Variants in MPPED2 observed in about 807,000 individuals in gnomAD.
MPPED2 encodes metallophosphoesterase MPPED2.
Under a neutral mutation model 33.0 loss-of-function variants are expected in MPPED2, and 5 were observed. The observed-to-expected ratio is 0.15, with a 90% confidence interval of 0.08 to 0.32. The LOEUF (loss-of-function observed/expected upper bound fraction) is 0.32, where lower values mean the gene tolerates loss of function less well. Ranked by LOEUF, MPPED2 falls within the 10% of genes least tolerant of loss-of-function variation. The pLI is 1.00. For synonymous variants in MPPED2, 136 were observed against 141.9 expected, an observed-to-expected ratio of 0.96 and a Z score of 0.29; for missense variants, 275 against 372.1, an observed-to-expected ratio of 0.74 and a Z score of 2.15.
At chr11:30,478,615 C>T (rs1269335792) in intron 4 of MPPED2, among the ~76,000 whole-genome samples, 1 of 152,040 alleles carries the variant, frequency 6.6e-6, no homozygotes, top group Non-Finnish European at 1.5e-5. Context: ...TTCTATCCAT[C>T]TAAAAACAAA....
intron 4 of MPPED2, among the ~76,000 whole-genome samples, chr11:30,484,888 A>G (rs1371868396): frequency 6.6e-6 from 1 of 152,076 alleles, no homozygotes; most frequent in East Asian, 1.9e-4. Context: ...AGGGGTAAGC[A>G]TTTTCCTAGA....
chr11:30,470,718 C>G (rs1024031077), intron 4 of MPPED2, among the ~76,000 whole-genome samples: 3 of 152,172 alleles, frequency 2.0e-5, no homozygotes, highest in Non-Finnish European at 4.4e-5. Flanking sequence ...AAATCTCCCA[C>G]TCTTCCCAGC....
At chr11:30,450,058 T>A (rs1949989213) in intron 4 of MPPED2, among the ~76,000 whole-genome samples, 1 of 152,266 alleles carries the variant, frequency 6.6e-6, no homozygotes, top group African/African-American at 2.4e-5. Flanking sequence ...CAATTAAATC[T>A]GTATGTTTTT....
rs556635220 is a variant in MPPED2, at chr11:30,535,970, C to T, written c.310+24G>A. 1.2e-5 allele frequency: 19 copies of T among 1,561,288 alleles called. No homozygotes were observed. In the South Asian group the frequency reaches 1.2e-4, roughly 10 times the overall value. On this transcript the variant is annotated intron_variant, in intron 3 of 6. Transcript: ENST00000358117. ...TCGGACGGGAAAGGTTAATTGGGGC[C>T]GCCAGAACGCAATCATTCCTTACCT...
intron 6 of MPPED2, among the ~76,000 whole-genome samples, chr11:30,391,817 C>T (rs1458306728): frequency 6.6e-6 from 1 of 152,180 alleles, no homozygotes; most frequent in Non-Finnish European, 1.5e-5. Context: ...CAGTTACCTT[C>T]ACATCTAAAG....
intron 3 of MPPED2, among the ~76,000 whole-genome samples, chr11:30,500,116 G>A (rs12417588): frequency 0.28 from 42,878 of 152,020 alleles, 7,031 homozygotes; most frequent in Middle Eastern, 0.44. Flanking sequence ...AATGCAATCT[G>A]GCTTCTGCTT....
At chr11:30,550,775 A>C (rs1043728491) in intron 2 of MPPED2, among the ~76,000 whole-genome samples, 1 of 152,196 alleles carries the variant, frequency 6.6e-6, no homozygotes. Flanking sequence ...CTTCATGATG[A>C]GAGGCCAAAC....
chr11:30,388,692 C>A, exon 7 of MPPED2: 1 of 574,008 alleles, frequency 1.7e-6, no homozygotes, highest in Non-Finnish European at 2.7e-6. Flanking sequence ...AGCCCTCCTC[C>A]GCAGTCTTTC....
At chr11:30,507,729 T>C (rs1952922027) in intron 3 of MPPED2, among the ~76,000 whole-genome samples, 1 of 152,198 alleles carries the variant, frequency 6.6e-6, no homozygotes, top group Non-Finnish European at 1.5e-5. Flanking sequence ...CTGGGGGGTG[T>C]GAAATCATGA....
chr11:30,486,068 T>C (rs547484283), intron 4 of MPPED2, among the ~76,000 whole-genome samples: 2 of 152,240 alleles, frequency 1.3e-5, no homozygotes, highest in South Asian at 2.1e-4. Flanking sequence ...TCTCCAAATA[T>C]ATGTGTGCTC....
At chr11:30,566,343 C>T (rs1185373437) in intron 2 of MPPED2, among the ~76,000 whole-genome samples, 1 of 152,108 alleles carries the variant, frequency 6.6e-6, no homozygotes, top group Non-Finnish European at 1.5e-5. Context: ...TCTAGGGTCA[C>T]ATTGAAAGTG....
At chr11:30,533,049 A>G (rs1003254180) in intron 3 of MPPED2, among the ~76,000 whole-genome samples, 2 of 152,206 alleles carry the variant, frequency 1.3e-5, no homozygotes, top group Non-Finnish European at 2.9e-5. Context: ...CAGAAGCTAC[A>G]GCACTTTCTA....
chr11:30,401,493 T>C (rs567548126), intron 6 of MPPED2, among the ~76,000 whole-genome samples: 1 of 152,222 alleles, frequency 6.6e-6, no homozygotes, highest in African/African-American at 2.4e-5. Context: ...TGAAAAGATA[T>C]GTACTGGGTG....
intron 2 of MPPED2, among the ~76,000 whole-genome samples, chr11:30,576,910 C>T (rs1055967380): frequency 2.0e-5 from 3 of 151,764 alleles, no homozygotes; most frequent in Non-Finnish European, 1.5e-5. Context: ...CCATAACAAG[C>T]AGAGATTCAA....
chr11:30,400,762 AT>A lies in MPPED2; in HGVS notation c.767-11807del, dbSNP rs34695831. Among the ~76,000 whole-genome samples the A allele has an allele frequency of 8.3e-3, 1,212 of 145,414 alleles. 5 individuals are homozygous for A. Among genetic ancestry groups the A allele is most frequent in the South Asian group, 0.03 (139 of 4,582 alleles). On this transcript the variant is annotated intron_variant, in intron 6 of 6. Coordinates refer to the MPPED2 transcript ENST00000448418. ...CTTTTTCCAATACATATCATCAAAC[AT>A]TTTTTTTTTTTTTTAGATATAGCAT...
chr11:30,443,221 G>A (rs192491249), intron 4 of MPPED2, among the ~76,000 whole-genome samples: 36 of 152,288 alleles, frequency 2.4e-4, no homozygotes, highest in Non-Finnish European at 4.9e-4. Flanking sequence ...TGGGAAGATC[G>A]TAAACATAAT....
At chr11:30,462,702 A>G (rs1950555905) in intron 4 of MPPED2, among the ~76,000 whole-genome samples, 1 of 152,192 alleles carries the variant, frequency 6.6e-6, no homozygotes, top group Admixed American at 6.5e-5. Flanking sequence ...TTCCATTCCC[A>G]TCCCCTCTAA....
intron 2 of MPPED2, among the ~76,000 whole-genome samples, chr11:30,567,593 C>T (rs980335265): frequency 2.6e-5 from 4 of 152,268 alleles, no homozygotes; most frequent in Non-Finnish European, 4.4e-5. Flanking sequence ...ACGTCTTAAT[C>T]CCAAAGTCTG....
chr11:30,505,928 GAAT>G (rs1952803890), intron 3 of MPPED2, among the ~76,000 whole-genome samples: 1 of 152,100 alleles, frequency 6.6e-6, no homozygotes, highest in South Asian at 2.1e-4. Flanking sequence ...AAAAGAAAAA[GAAT>G]AATTGTACAA....
Sources: allele counts gnomAD v4.1 joint callset (sites outside exome capture counted in the v4.1 genomes callset), GRCh38; gene constraint gnomAD v4.1.1; transcripts MANE v1.5; gene names NCBI Gene and HGNC (gene_info 2026-07-23, HGNC 2026-07-21).